NLRP4: variants seen among roughly 807,000 people sequenced by gnomAD.
The protein encoded by NLRP4 is NLR family pyrin domain containing 4.
A neutral mutation model predicts 84.7 loss-of-function variants in NLRP4; 44 were observed. The ratio of observed to expected loss-of-function variants is 0.52; its 90% CI spans 0.41 to 0.67. The LOEUF (loss-of-function observed/expected upper bound fraction) is 0.67. NLRP4 is among the 30% of genes least tolerant of loss of function. NLRP4 has a pLI of 0.00. For missense variants in NLRP4, 1,260 were observed against 1,219.4 expected, an observed-to-expected ratio of 1.03 and a Z score of -0.50; for synonymous variants, 544 against 476.4, an observed-to-expected ratio of 1.14 and a Z score of -1.85.
chr19:55,871,388 C>T (rs1403567000), intron 7 of NLRP4, among the ~76,000 whole-genome samples: 2 of 151,972 alleles, frequency 1.3e-5, no homozygotes, highest in African/African-American at 4.8e-5. Flanking sequence ...GGTGGGAGAT[C>T]CAAAAATACA....
chr19:55,849,329 G>A (rs552092252), intron 1 of NLRP4, among the ~76,000 whole-genome samples: 1 of 152,300 alleles, frequency 6.6e-6, no homozygotes, highest in South Asian at 2.1e-4. Context: ...TATGCTTCCA[G>A]GCCCTTGCAT....
chr19:55,871,707 A>G (rs935079573), intron 7 of NLRP4, among the ~76,000 whole-genome samples: 6 of 152,236 alleles, frequency 3.9e-5, no homozygotes, highest in African/African-American at 1.4e-4. Context: ...TAACATAACA[A>G]AAACACCAGA....
At position 55,852,510 on chromosome 19, in the gene NLRP4, C is replaced by T. The variant is rs561251885; in HGVS notation, c.280+150C>T. ...TTTTTTTTTTTGGTAGACGGAGTCG[C>T]ACTTTGTTGCCCAGACAGTGCAGTA... On this transcript the variant is annotated intron_variant, in intron 2 of 9. Coordinates refer to ENST00000301295, the MANE Select transcript of NLRP4 (RefSeq NM_134444.5). The T allele has an allele frequency of 5.4e-6, 3 of 558,850 alleles. No homozygotes were observed. The South Asian group carries it at 7.6e-5, about 14-fold the overall frequency. 34.6% of individuals were successfully genotyped at this position (558,850 alleles called of 1,614,324 possible).
Position 55,862,059 on chromosome 19 carries a change from T to G in NLRP4, c.2086T>G (p.Leu696Val). The G allele has an allele frequency of 6.2e-7, 1 of 1,613,048 alleles. No individual in the cohort carries two copies. Among genetic ancestry groups the G allele is most frequent in the South Asian group, 1.1e-5 (1 of 91,046 alleles). The change falls in exon 5 of 10, where the codon TTG (leucine) becomes GTG (valine). Residue 696 changes from leucine (L) to valine (V), a missense_variant. By Grantham distance (32) the Leu-to-Val change is conservative. Coordinates refer to ENST00000301295, the MANE Select transcript of NLRP4 (RefSeq NM_134444.5). ...TGAGGTGCTCTTTTATCAGCCAGAC[T>G]TGAAATACCTGAGCTTCACCCTCAC... The part of the protein sequence containing the change: ...LFEVLFYQPD[L>V]KYLSFTLTKL...
intron 9 of NLRP4, among the ~76,000 whole-genome samples, chr19:55,880,411 A>T (rs538745328): frequency 6.6e-6 from 1 of 152,358 alleles, no homozygotes; most frequent in East Asian, 1.9e-4. Context: ...TTGGCCCTGT[A>T]AGCCAGGGTA....
chr19:55,863,426 A>G (rs1984837726), intron 5 of NLRP4, among the ~76,000 whole-genome samples: 1 of 152,192 alleles, frequency 6.6e-6, no homozygotes, highest in African/African-American at 2.4e-5. Flanking sequence ...ATGGTGGCAG[A>G]AGGCAAAGGG....
chr19:55,856,727 G>A (rs1037243831), intron 2 of NLRP4, among the ~76,000 whole-genome samples: 1 of 151,946 alleles, frequency 6.6e-6, no homozygotes, highest in Non-Finnish European at 1.5e-5. Flanking sequence ...TGTTGGCCAG[G>A]ATGGTCTTGA....
At chr19:55,867,917 C>T (rs377692933) in intron 6 of NLRP4, 41 bp downstream of exon 6, 70 of 1,585,904 alleles carry the variant, frequency 4.4e-5, no homozygotes, top group Non-Finnish European at 5.4e-5. Context: ...AGGGCCATGG[C>T]GGCAGTTCAA....
Position 55,878,774 on chromosome 19 carries a change from C to T in NLRP4, c.2697-20C>T. The T allele has an allele frequency of 1.2e-6, 2 of 1,602,892 alleles. No individual in the cohort carries two copies. Among genetic ancestry groups the T allele is most frequent in the Non-Finnish European group, 1.7e-6 (2 of 1,172,782 alleles). On this transcript the variant is annotated intron_variant, in intron 8 of 9. Transcript: ENST00000301295. Reference sequence around the variant, plus strand: ...CCCTGAGGCTGGGGCCGCATCTTACCATGTGTCTTTTTATTGCAGGTTGGA... The same window carrying T: ...CCCTGAGGCTGGGGCCGCATCTTACTATGTGTCTTTTTATTGCAGGTTGGA...
At position 55,859,890 on chromosome 19, in the gene NLRP4, G is replaced by A. The variant is rs1472347699; in HGVS notation, c.1856+641G>A. ...TGCAGTGAGCTGAGATCGCACCACT[G>A]CCCTCCAGGCTGGGTGACAGTGAGA... On this transcript the variant is annotated intron_variant, in intron 3 of 9. Transcript: ENST00000301295. Among the ~76,000 whole-genome samples the A allele has an allele frequency of 3.6e-5, 4 of 111,666 alleles. No homozygotes were observed. In the Admixed American group the frequency reaches 4.2e-4, roughly 12 times the overall value. 73.3% of individuals were successfully genotyped at this position (111,666 alleles called of 152,430 possible). A position where few individuals can be genotyped will look rare whatever the true frequency, so the allele number is the denominator to read the frequency against.
At chr19:55,838,203 G>C (rs1044978462) in intron 1 of NLRP4, among the ~76,000 whole-genome samples, 4 of 151,978 alleles carry the variant, frequency 2.6e-5, no homozygotes, top group South Asian at 2.1e-4. Context: ...TCAGGAGGCT[G>C]AGGCAGGAGG....
In NLRP4 at chr19:55,881,790, G is replaced by T. The variant is rs1227478995; in HGVS notation, c.*203G>T. ...GGATGAGTCACTGAAAGGCCTTCAT[G>T]GTCTCTCGGTCTCACAAGGACCTCT... On this transcript the variant is annotated 3_prime_UTR_variant, in exon 10 of 10. Transcript: ENST00000301295. 2 of 396,828 alleles carry T rather than the reference G, an allele frequency of 5.0e-6. No homozygotes were observed. Among genetic ancestry groups the T allele is most frequent in the Non-Finnish European group, 9.0e-6 (2 of 223,130 alleles). 24.6% of individuals were successfully genotyped at this position (396,828 alleles called of 1,614,324 possible).
chr19:55,855,263 A>C (rs746038040), intron 2 of NLRP4, among the ~76,000 whole-genome samples: 2 of 152,184 alleles, frequency 1.3e-5, no homozygotes, highest in African/African-American at 2.4e-5. Flanking sequence ...ACCATTTTAG[A>C]ATATTGCTAA....
intron 5 of NLRP4, among the ~76,000 whole-genome samples, chr19:55,863,988 C>T (rs1172150095): frequency 6.6e-6 from 1 of 152,102 alleles, no homozygotes; most frequent in Non-Finnish European, 1.5e-5. Flanking sequence ...CAAAAAGACC[C>T]AAACCCTTTT....
At chr19:55,861,686 A>G (rs1034508053) in intron 4 of NLRP4, 139 bp downstream of exon 4, 1 of 765,588 alleles carries the variant, frequency 1.3e-6, no homozygotes. Context: ...ACTTACAGAC[A>G]TCTCATGCAG....
chr19:55,870,383 C>T (rs774334240), intron 6 of NLRP4, among the ~76,000 whole-genome samples: 5 of 152,264 alleles, frequency 3.3e-5, no homozygotes, highest in Admixed American at 6.5e-5. Context: ...ATGAGAGGGC[C>T]GGACGCGGTG....
intron 6 of NLRP4, 121 bp downstream of exon 6, chr19:55,867,997 T>A: frequency 2.3e-6 from 2 of 854,232 alleles, no homozygotes; most frequent in Non-Finnish European, 3.7e-6. Flanking sequence ...AGCTCACGCT[T>A]AAGAATCAGA....
intron 1 of NLRP4, among the ~76,000 whole-genome samples, chr19:55,841,090 C>T (rs1056559766): frequency 2.0e-5 from 3 of 152,150 alleles, no homozygotes; most frequent in African/African-American, 7.2e-5. Flanking sequence ...GTATAATGAT[C>T]CAATCAGGGT....
intron 2 of NLRP4, among the ~76,000 whole-genome samples, chr19:55,856,665 A>ATGTG (rs1984435443): frequency 6.6e-6 from 1 of 151,150 alleles, no homozygotes; most frequent in Non-Finnish European, 1.5e-5. Flanking sequence ...ACAGGCACAC[A>ATGTG]CCACCACGCC....
Sources: gnomAD v4.1 joint callset for allele counts (sites outside exome capture counted in the v4.1 genomes callset) on GRCh38, gnomAD v4.1.1 for gene constraint, MANE v1.5 for transcripts, NCBI Gene and HGNC (gene_info 2026-07-23, HGNC 2026-07-21) for gene names.